The following PRRC2B variants were observed in gnomAD, a reference collection of about 807,000 sequenced individuals.
PRRC2B encodes protein PRRC2B.
PRRC2B carries 68 observed loss-of-function variants against 242.3 expected under a neutral mutation model. That is an observed-to-expected ratio of 0.28 (90% confidence interval 0.23 to 0.34). The LOEUF (loss-of-function observed/expected upper bound fraction) is 0.34, where lower values mean the gene tolerates loss of function less well. PRRC2B is among the 10% of genes least tolerant of loss of function. PRRC2B has a pLI of 1.00. For missense variants in PRRC2B, 2,835 were observed against 2,954.8 expected, an observed-to-expected ratio of 0.96 and a Z score of 0.94; for synonymous variants, 1,228 against 1,173.6, an observed-to-expected ratio of 1.05 and a Z score of -0.95.
intron 16 of PRRC2B, among the ~76,000 whole-genome samples, 155 bp downstream of exon 16, chr9:131,476,690 C>CT (rs1162269381): frequency 1.3e-5 from 2 of 152,168 alleles, no homozygotes; most frequent in Non-Finnish European, 2.9e-5. Flanking sequence ...CCCACATTGC[C>CT]TGTCTGCTTC....
chr9:131,373,830 C>G (rs1836648270), intron 1 of PRRC2B: 1 of 152,204 alleles, frequency 6.6e-6, no homozygotes, highest in Non-Finnish European at 1.5e-5. Context: ...GAGGCCGAGG[C>G]GGGCGGATCA....
chr9:131,476,571 T>C (rs1434422748), intron 16 of PRRC2B, 36 bp downstream of exon 16: 3 of 1,537,944 alleles, frequency 2.0e-6, no homozygotes, highest in African/African-American at 2.8e-5. Flanking sequence ...TTTTTGTTGT[T>C]GTGTTCTGTT....
chr9:131,479,226 A>T (rs1260604582), intron 18 of PRRC2B, 26 bp from the exon 19 acceptor site: 1 of 1,611,854 alleles, frequency 6.2e-7, no homozygotes, highest in Non-Finnish European at 8.5e-7. Context: ...CTTTGGCTAG[A>T]CTACAGCATC....
Position 131,459,290 on chromosome 9 carries a change from A to C in PRRC2B, c.1338A>C (p.Arg446=), listed in dbSNP as rs1588264092. The change falls in exon 11 of 32, where the codon CGA becomes CGC. Residue 446 remains arginine, a synonymous_variant. Transcript: ENST00000683519. ...CAGTGGGTGCGTCCCGTGTGGTCCGAAAGGCGCCAGACCCTCAGCCACCGC... is the reference window on the plus strand; with the variant it reads ...CAGTGGGTGCGTCCCGTGTGGTCCGCAAGGCGCCAGACCCTCAGCCACCGC... ...AEAVGASRVV[R]KAPDPQPPPR... 6.2e-7 allele frequency: 1 copy of C among 1,613,878 alleles called. No homozygotes were observed. The highest frequency in any genetic ancestry group is 1.3e-5 in the African/African-American group (1 of 75,026).
At chr9:131,490,118 T>TCTGC (rs1944145749) in intron 28 of PRRC2B, among the ~76,000 whole-genome samples, 1 of 152,118 alleles carries the variant, frequency 6.6e-6, no homozygotes, top group Admixed American at 6.5e-5. Context: ...TTCCAGCATG[T>TCTGC]CTGCTATGGT....
chr9:131,476,294 C>T lies in PRRC2B; in HGVS notation c.4165C>T (p.Arg1389Trp), dbSNP rs756720120. ...ESSDFSERRE[R>W]REGPGSEPDS... ...CAGCGACTTCAGCGAGCGGCGGGAGCGGCGGGAAGGCCCTGGGTCCGAGCC... is the reference window on the plus strand; with the variant it reads ...CAGCGACTTCAGCGAGCGGCGGGAGTGGCGGGAAGGCCCTGGGTCCGAGCC... The change falls in exon 16 of 32, where the codon CGG becomes TGG. Residue 1389 changes from arginine (R) to tryptophan (W), a missense_variant. This residue lies in a region of PRRC2B where 1,536 missense variants were observed against 1,483.1 expected (regional missense o/e 1.04). Coordinates refer to ENST00000683519, the MANE Select transcript of PRRC2B (RefSeq NM_013318.4). 6.9e-6 allele frequency: 11 copies of T among 1,587,400 alleles called. No homozygotes were observed. The highest frequency in any genetic ancestry group is 1.1e-5 in the South Asian group (1 of 88,128).
At chr9:131,386,536 T>C (rs74687847) in intron 1 of PRRC2B, among the ~76,000 whole-genome samples, 6,135 of 150,158 alleles carry the variant, frequency 0.041, 499 homozygotes, top group African/African-American at 0.14. Context: ...CCCCCCTTAA[T>C]ACTTCCTCAT....
At chr9:131,420,493 C>CTTTTTTTTTT (rs146073511) in intron 1 of PRRC2B, among the ~76,000 whole-genome samples, 2 of 30,164 alleles carry the variant, frequency 6.6e-5, no homozygotes, top group African/African-American at 2.2e-4. Flanking sequence ...TTCTTTCTTT[C>CTTTTTTTTTT]TTTTTTTTTT....
Position 131,485,537 on chromosome 9 carries a change from T to C in PRRC2B, c.5758+397T>C, listed in dbSNP as rs1000481953. 2.0e-5 allele frequency: 10 copies of C among 496,354 alleles called. No homozygotes were observed. In the Admixed American group the frequency reaches 2.1e-4, roughly 10 times the overall value. The allele number at this position is 496,354 out of a possible 1,614,324, so 30.7% of individuals were successfully genotyped here. On this transcript the variant is annotated intron_variant, in intron 25 of 31. Transcript: ENST00000683519. Reference sequence around the variant, plus strand: ...CACACCCGTGAGGCCAGGTCTTACCTGGAAAGGGCTTTGTATCAACAGAGC... The same window carrying C: ...CACACCCGTGAGGCCAGGTCTTACCCGGAAAGGGCTTTGTATCAACAGAGC...
upstream of PRRC2B, among the ~76,000 whole-genome samples, chr9:131,389,670 G>A (rs780039950): frequency 2.0e-4 from 30 of 150,220 alleles, 3 homozygotes; most frequent in Non-Finnish European, 3.7e-4. Context: ...TTTGTGAGCC[G>A]TGTGTTTTGT....
intron 10 of PRRC2B, among the ~76,000 whole-genome samples, chr9:131,456,935 GT>G: frequency 6.6e-6 from 1 of 152,192 alleles, no homozygotes; most frequent in South Asian, 2.1e-4. Context: ...ACTGCTTTCC[GT>G]TAAAATGTAA....
intron 1 of PRRC2B, among the ~76,000 whole-genome samples, chr9:131,416,265 C>T (rs902989008): frequency 2.6e-5 from 4 of 152,074 alleles, no homozygotes; most frequent in African/African-American, 7.2e-5. Context: ...CATGCCACCA[C>T]GCCTGACTAA....
Position 131,488,001 on chromosome 9 carries a change from C to T in PRRC2B, c.6130C>T (p.Pro2044Ser), listed in dbSNP as rs748972024. 5.0e-6 allele frequency: 8 copies of T among 1,612,084 alleles called. No homozygotes were observed. Among genetic ancestry groups the T allele is most frequent in the African/African-American group, 1.3e-5 (1 of 74,874 alleles). Residue 2044 changes from proline (P) to serine (S), a missense_variant, in exon 28 of 32, where the codon CCC becomes TCC. Transcript: ENST00000683519. ...VKPQSGSPYQ[P>S]MSGNQALVYE... ...GCCGCAGTCTGGCTCACCCTACCAG[C>T]CCATGAGCGGGAACCAAGCCCTGGT...
At chr9:131,379,623 CA>C (rs1226928329) in intron 1 of PRRC2B, among the ~76,000 whole-genome samples, 1 of 136,006 alleles carries the variant, frequency 7.4e-6, no homozygotes, top group African/African-American at 2.6e-5. Flanking sequence ...GTCCTTGGTC[CA>C]TTTTTTTTTT....
chr9:131,477,578 GGA>G (rs1364043819), intron 16 of PRRC2B, among the ~76,000 whole-genome samples, 164 bp from the exon 17 acceptor site: 2 of 152,214 alleles, frequency 1.3e-5, no homozygotes, highest in African/African-American at 2.4e-5. Flanking sequence ...GTTTGCACAC[GGA>G]CATGGATGCA....
intron 1 of PRRC2B, among the ~76,000 whole-genome samples, chr9:131,420,457 C>CT (rs1210723760): frequency 2.9e-4 from 3 of 10,274 alleles, no homozygotes; most frequent in Non-Finnish European, 7.6e-4. Flanking sequence ...TTTTCTTTTT[C>CT]TTTCTTTCTT....
Position 131,406,286 on chromosome 9 carries a change from G to C in PRRC2B, c.-52+12023G>C, listed in dbSNP as rs529093946. Among the ~76,000 whole-genome samples, 3 of 152,298 alleles carry C rather than the reference G, an allele frequency of 2.0e-5. No individual in the cohort carries two copies. In the East Asian group the frequency reaches 5.8e-4, roughly 29 times the overall value. On this transcript the variant is annotated intron_variant, in intron 1 of 31. Transcript: ENST00000683519. ...GGGCCTCCCATGGGCAGGTGCATCA[G>C]GGCTCTTCTGTACATCTCTCCACAA...
chr9:131,412,493 C>T (rs1026334715), intron 1 of PRRC2B, among the ~76,000 whole-genome samples: 2 of 151,922 alleles, frequency 1.3e-5, no homozygotes, highest in Non-Finnish European at 2.9e-5. Context: ...CGTGCATGCA[C>T]ACGCTGTTGG....
intron 2 of PRRC2B, among the ~76,000 whole-genome samples, chr9:131,432,104 C>T (rs533904967): frequency 6.6e-6 from 1 of 152,238 alleles, no homozygotes; most frequent in Non-Finnish European, 1.5e-5. Flanking sequence ...TGTTATCAGC[C>T]TTTTTAGCTT....
Sources: allele counts gnomAD v4.1 joint callset (sites outside exome capture counted in the v4.1 genomes callset), GRCh38; gene constraint gnomAD v4.1.1; regional missense constraint gnomAD v4.1.1; transcripts MANE v1.5; gene names NCBI Gene and HGNC (gene_info 2026-07-23, HGNC 2026-07-21).